The following PPP1R12B variants were observed in gnomAD, a reference collection of about 807,000 sequenced individuals.
PPP1R12B encodes the protein myosin phosphatase target subunit 2.
In PPP1R12B, 76 loss-of-function variants were observed where a neutral mutation model predicts 126.1. That is an observed-to-expected ratio of 0.60 (90% CI 0.50 to 0.73). The LOEUF (loss-of-function observed/expected upper bound fraction) is 0.73. Among genes scored for constraint, PPP1R12B ranks in the 30% least tolerant of loss-of-function variants. The pLI is 0.00. For synonymous variants in PPP1R12B, 356 were observed against 434.7 expected, an observed-to-expected ratio of 0.82 and a Z score of 2.25; for missense variants, 1,052 against 1,205.1, an observed-to-expected ratio of 0.87 and a Z score of 1.88.
Position 202,580,803 on chromosome 1 carries a change from G to A in PPP1R12B, c.*243G>A, listed in dbSNP as rs1411170680. On this transcript the variant is annotated 3_prime_UTR_variant, in exon 24 of 24. Coordinates refer to ENST00000608999, the MANE Select transcript of PPP1R12B (RefSeq NM_002481.4). ...AATTGAAGCATGATTGTGGTAATTC[G>A]AGCCATCTGGAGAATGCTCTGGGGA... 4.5e-6 allele frequency: 2 copies of A among 445,792 alleles called. No individual in the cohort carries two copies. Among genetic ancestry groups the A allele is most frequent in the Non-Finnish European group, 8.4e-6 (2 of 239,138 alleles). 27.6% of individuals were successfully genotyped at this position (445,792 alleles called of 1,614,324 possible).
chr1:202,405,884 T>C (rs564201188), intron 1 of PPP1R12B, among the ~76,000 whole-genome samples: 1 of 152,364 alleles, frequency 6.6e-6, no homozygotes, highest in African/African-American at 2.4e-5. Flanking sequence ...GCTTTGACTA[T>C]ATAAAACGCT....
At chr1:202,478,080 G>T (rs1167657844) in intron 13 of PPP1R12B, among the ~76,000 whole-genome samples, 2 of 152,206 alleles carry the variant, frequency 1.3e-5, no homozygotes, top group Admixed American at 6.5e-5. Context: ...GTAGCATTCA[G>T]ATTCATGGAT....
intron 1 of PPP1R12B, among the ~76,000 whole-genome samples, chr1:202,362,653 G>GTTTT (rs143292643): frequency 2.1e-5 from 3 of 144,752 alleles, no homozygotes; most frequent in Admixed American, 1.4e-4. Context: ...AAGGCCCAGG[G>GTTTT]TTTTTGTTTT....
chr1:202,439,484 C>G, intron 10 of PPP1R12B: 2 of 1,507,164 alleles, frequency 1.3e-6, no homozygotes, highest in South Asian at 2.4e-5. Context: ...GTGCCTGGTC[C>G]AGCCCATGGA....
intron 18 of PPP1R12B, among the ~76,000 whole-genome samples, chr1:202,505,462 T>C (rs1680702291): frequency 6.6e-6 from 1 of 152,222 alleles, no homozygotes; most frequent in South Asian, 2.1e-4. Context: ...TCGAGCAGAA[T>C]TTTTTAATCT....
At chr1:202,513,346 A>G (rs527698702) in intron 18 of PPP1R12B, among the ~76,000 whole-genome samples, 2 of 152,288 alleles carry the variant, frequency 1.3e-5, no homozygotes, top group African/African-American at 4.8e-5. Flanking sequence ...GAACAATGCA[A>G]TGCATGATAT....
Position 202,586,832 on chromosome 1 carries a change from A to G in PPP1R12B, c.*6272A>G, listed in dbSNP as rs1380742178. ...GTGTCTAAAGACAATACCATTAATG[A>G]ATGTTCTGGCCTTACCTAAAAAGGT... is the stretch of plus-strand genomic sequence containing the variant. On this transcript the variant is annotated 3_prime_UTR_variant, in exon 24 of 24. Transcript: ENST00000608999. 1.3e-5 allele frequency: 2 copies of G among 152,212 alleles called. No homozygotes were observed. Among genetic ancestry groups the G allele is most frequent in the Non-Finnish European group, 2.9e-5 (2 of 68,032 alleles). The allele number at this position is 152,212 out of a possible 1,614,324, so 9.4% of individuals were successfully genotyped here.
intron 2 of PPP1R12B, among the ~76,000 whole-genome samples, chr1:202,418,971 G>A (rs891650143): frequency 6.6e-6 from 1 of 152,076 alleles, no homozygotes; most frequent in African/African-American, 2.4e-5. Flanking sequence ...GAATCACTAG[G>A]AACTCTAAAT....
At chr1:202,449,420 C>T (rs1296187436) in intron 13 of PPP1R12B, among the ~76,000 whole-genome samples, 3 of 150,768 alleles carry the variant, frequency 2.0e-5, no homozygotes, top group South Asian at 2.1e-4. Context: ...GGACTGCAGG[C>T]GTGTGTCACC....
In PPP1R12B at chr1:202,411,145, G is replaced by T. The variant is rs1021427693; in HGVS notation, c.292-5642G>T. Among the ~76,000 whole-genome samples, 15 of 152,196 alleles carry T rather than the reference G, an allele frequency of 9.9e-5. No individual in the cohort carries two copies. In the East Asian group the frequency reaches 2.7e-3, roughly 27 times the overall value. On this transcript the variant is annotated intron_variant, in intron 1 of 23. Transcript: ENST00000608999. ...ATGAGTCAGCAGCACAGCTGCCGAT[G>T]GAGTGGGCAGAAGGGCATCTAAATT...
At chr1:202,415,983 A>G (rs1668006330) in intron 1 of PPP1R12B, among the ~76,000 whole-genome samples, 1 of 152,078 alleles carries the variant, frequency 6.6e-6, no homozygotes, top group South Asian at 2.1e-4. Context: ...AATAATAGAG[A>G]CAGGGTCTCA....
intron 18 of PPP1R12B, among the ~76,000 whole-genome samples, chr1:202,517,861 G>A (rs1262338423): frequency 5.9e-5 from 9 of 152,082 alleles, no homozygotes; most frequent in African/African-American, 2.2e-4. Context: ...CCTGACCTCA[G>A]GTGATCTGCC....
intron 1 of PPP1R12B, among the ~76,000 whole-genome samples, chr1:202,379,376 T>C (rs748321922): frequency 6.6e-6 from 1 of 152,232 alleles, no homozygotes; most frequent in African/African-American, 2.4e-5. Flanking sequence ...TCATTAGGTC[T>C]ATGGTAGGAC....
chr1:202,363,820 G>C (rs1243143490), intron 1 of PPP1R12B, among the ~76,000 whole-genome samples: 16 of 152,194 alleles, frequency 1.1e-4, no homozygotes, highest in Admixed American at 1.0e-3. Flanking sequence ...GGAGTGCAGT[G>C]GTGCGATCTT....
At chr1:202,376,144 A>C (rs1661145279) in intron 1 of PPP1R12B, among the ~76,000 whole-genome samples, 1 of 152,222 alleles carries the variant, frequency 6.6e-6, no homozygotes, top group Non-Finnish European at 1.5e-5. Context: ...AATAATCAGA[A>C]TTTGTATTTC....
intron 1 of PPP1R12B, among the ~76,000 whole-genome samples, chr1:202,399,124 A>G (rs1055261724): frequency 2.6e-5 from 4 of 152,232 alleles, no homozygotes; most frequent in African/African-American, 9.6e-5. Flanking sequence ...CTTACTGGAT[A>G]TGCCTGGGGA....
intron 12 of PPP1R12B, among the ~76,000 whole-genome samples, chr1:202,446,817 T>C (rs1672359374): frequency 6.6e-6 from 1 of 151,628 alleles, no homozygotes; most frequent in South Asian, 2.1e-4. Context: ...TCCAGAAATA[T>C]GCAGAGCTGG....
intron 1 of PPP1R12B, among the ~76,000 whole-genome samples, chr1:202,354,084 G>A (rs1656582280): frequency 6.6e-6 from 1 of 152,108 alleles, no homozygotes; most frequent in African/African-American, 2.4e-5. Flanking sequence ...ATAAAACTAA[G>A]TAGTTTATTT....
intron 12 of PPP1R12B, 52 bp downstream of exon 12, chr1:202,442,624 A>T (rs1255357525): frequency 8.5e-6 from 13 of 1,535,014 alleles, no homozygotes; most frequent in Non-Finnish European, 1.1e-5. Flanking sequence ...AGCCATGGGA[A>T]ATGGGTAATG....
Sources: gnomAD v4.1 joint callset for allele counts (sites outside exome capture counted in the v4.1 genomes callset) on GRCh38, gnomAD v4.1.1 for gene constraint, MANE v1.5 for transcripts, NCBI Gene and HGNC (gene_info 2026-07-23, HGNC 2026-07-21) for gene names.